Variants in ZNF385D observed in about 807,000 individuals in gnomAD.
The protein encoded by ZNF385D is zinc finger protein 659.
Under a neutral mutation model 35.8 loss-of-function variants are expected in ZNF385D, and 15 were observed. The ratio of observed to expected loss-of-function variants is 0.42; its 90% CI spans 0.28 to 0.64. The LOEUF (loss-of-function observed/expected upper bound fraction) is 0.64, where lower values mean the gene tolerates loss of function less well. Ranked by LOEUF, ZNF385D falls within the 30% of genes least tolerant of loss-of-function variation. The probability of loss-of-function intolerance (pLI) is 0.23; values close to 1 mark genes in which losing one functional copy is unlikely to be tolerated. For missense variants in ZNF385D, 474 were observed against 494.6 expected, an observed-to-expected ratio of 0.96 and a Z score of 0.39; for synonymous variants, 212 against 186.8, an observed-to-expected ratio of 1.13 and a Z score of -1.10.
At chr3:21,718,484 T>C (rs1367097277) in intron 1 of ZNF385D, among the ~76,000 whole-genome samples, 2 of 152,242 alleles carry the variant, frequency 1.3e-5, no homozygotes, top group African/African-American at 2.4e-5. Flanking sequence ...AAGCACTTAC[T>C]ACGTGCCCGG....
At chr3:21,876,164 G>GCAAA (rs35069162) in intron 3 of ZNF385D, among the ~76,000 whole-genome samples, 61 of 151,876 alleles carry the variant, frequency 4.0e-4, no homozygotes, top group African/African-American at 1.4e-3. Flanking sequence ...AAGCAAGCAA[G>GCAAA]CAAACAAACA....
intron 3 of ZNF385D, among the ~76,000 whole-genome samples, chr3:22,141,506 T>C (rs1704501175): frequency 1.3e-5 from 2 of 152,104 alleles, no homozygotes; most frequent in Admixed American, 1.3e-4. Context: ...ATTTCCAAGA[T>C]TAAGAAGGCC....
intron 3 of ZNF385D, among the ~76,000 whole-genome samples, chr3:22,101,122 G>T (rs1010870915): frequency 6.6e-6 from 1 of 151,846 alleles, no homozygotes; most frequent in Admixed American, 6.6e-5. Flanking sequence ...TCATAATAAG[G>T]TTCTACTTGG....
At chr3:21,702,505 C>G in intron 1 of ZNF385D, among the ~76,000 whole-genome samples, 1 of 152,212 alleles carries the variant, frequency 6.6e-6, no homozygotes, top group Non-Finnish European at 1.5e-5. Context: ...GAAACATTTT[C>G]CTCATGATCT....
chr3:21,428,102 A>G (rs1484889144), intron 5 of ZNF385D, among the ~76,000 whole-genome samples: 1 of 152,180 alleles, frequency 6.6e-6, no homozygotes, highest in Admixed American at 6.6e-5. Context: ...GTAGGCAGTA[A>G]GTGTAGCTGT....
At chr3:22,129,144 GGA>G (rs1559391132) in intron 3 of ZNF385D, among the ~76,000 whole-genome samples, 1 of 152,094 alleles carries the variant, frequency 6.6e-6, no homozygotes, top group Non-Finnish European at 1.5e-5. Context: ...GGATTACATG[GGA>G]GAGTCTCTTG....
chr3:22,223,308 T>G (rs912560942), intron 2 of ZNF385D, among the ~76,000 whole-genome samples: 1 of 152,178 alleles, frequency 6.6e-6, no homozygotes, highest in African/African-American at 2.4e-5. Flanking sequence ...TTGTTTGTTG[T>G]ATAAGTTGTT....
rs190336417 is a variant in ZNF385D at position 22,251,882 on chromosome 3, A to T, written c.107-82847T>A. Reference sequence around the variant, plus strand: ...AAACTCACACAGCCTTTGAAAGTTCAATTCCCTCTTTTGTAAAATAAGGTT... The same window carrying T: ...AAACTCACACAGCCTTTGAAAGTTCTATTCCCTCTTTTGTAAAATAAGGTT... On this transcript the variant is annotated intron_variant, in intron 2 of 5. Coordinates refer to the ZNF385D transcript ENST00000494108. Among the ~76,000 whole-genome samples, 11 of 152,164 alleles carry T rather than the reference A, an allele frequency of 7.2e-5. No individual in the cohort carries two copies. The East Asian group carries it at 1.7e-3, about 24-fold the overall frequency.
intron 3 of ZNF385D, among the ~76,000 whole-genome samples, chr3:22,009,090 C>G (rs1045402156): frequency 2.6e-5 from 4 of 152,162 alleles, no homozygotes; most frequent in Non-Finnish European, 4.4e-5. Context: ...CTTGGTCAAA[C>G]CACTTTAGAG....
intron 2 of ZNF385D, among the ~76,000 whole-genome samples, chr3:21,634,901 T>A (rs1288495468): frequency 6.6e-6 from 1 of 152,046 alleles, no homozygotes; most frequent in African/African-American, 2.4e-5. Context: ...GAAATGTAAT[T>A]TAAAATGTGA....
intron 3 of ZNF385D, among the ~76,000 whole-genome samples, chr3:21,535,782 C>T (rs1056429131): frequency 1.3e-5 from 2 of 152,028 alleles, no homozygotes; most frequent in African/African-American, 4.8e-5. Context: ...CACTGTTTCA[C>T]ATGAGCTAAC....
At chr3:22,171,302 A>G (rs1189337524) in intron 2 of ZNF385D, among the ~76,000 whole-genome samples, 1 of 152,204 alleles carries the variant, frequency 6.6e-6, no homozygotes, top group Non-Finnish European at 1.5e-5. Context: ...TTTGATTCAC[A>G]TTTCCATCTT....
At chr3:21,524,680 C>G (rs1015489924) in intron 3 of ZNF385D, among the ~76,000 whole-genome samples, 1 of 152,104 alleles carries the variant, frequency 6.6e-6, no homozygotes, top group Non-Finnish European at 1.5e-5. Context: ...TAAAGTCCAA[C>G]TATAGAAGGC....
intron 3 of ZNF385D, among the ~76,000 whole-genome samples, chr3:21,961,101 G>A (rs1307352937): frequency 1.3e-5 from 2 of 152,008 alleles, no homozygotes; most frequent in East Asian, 3.8e-4. Flanking sequence ...AATAATAAAT[G>A]AGGAGACACG....
At chr3:21,684,332 A>T (rs2067010912) in intron 1 of ZNF385D, among the ~76,000 whole-genome samples, 1 of 129,506 alleles carries the variant, frequency 7.7e-6, no homozygotes. Context: ...GACAAACTTC[A>T]CCACACTAAA....
intron 3 of ZNF385D, among the ~76,000 whole-genome samples, chr3:21,964,412 T>TAAAAAAAAAAAAAAAAAA (rs60635259): frequency 2.8e-5 from 2 of 71,484 alleles, no homozygotes; most frequent in Non-Finnish European, 5.5e-5. Flanking sequence ...GTCCTTTTTG[T>TAAAAAAAAAAAAAAAAAA]AAAAAAAAAA....
chr3:21,599,474 C>G (rs1041263867), intron 2 of ZNF385D, among the ~76,000 whole-genome samples: 3 of 152,152 alleles, frequency 2.0e-5, no homozygotes, highest in Admixed American at 2.0e-4. Context: ...GACAATTTCT[C>G]CAGGTGAATA....
chr3:21,758,992 A>AAC (rs1559593463), intron 3 of ZNF385D, among the ~76,000 whole-genome samples: 2 of 147,856 alleles, frequency 1.4e-5, no homozygotes, highest in East Asian at 2.0e-4. Context: ...AAAAAAAAAA[A>AAC]AAAAAAAAAA....
At chr3:21,922,043 G>A (rs577485491) in intron 3 of ZNF385D, among the ~76,000 whole-genome samples, 1 of 152,158 alleles carries the variant, frequency 6.6e-6, no homozygotes, top group East Asian at 1.9e-4. Flanking sequence ...GACACAACGA[G>A]AAAAGAAAAT....
Sources: allele counts gnomAD v4.1 joint callset (sites outside exome capture counted in the v4.1 genomes callset), GRCh38; gene constraint gnomAD v4.1.1; transcripts MANE v1.5; gene names NCBI Gene and HGNC (gene_info 2026-07-23, HGNC 2026-07-21).